MYH10: variants seen among roughly 807,000 people sequenced by gnomAD.
MYH10 encodes the protein myosin-10.
MYH10 carries 55 observed loss-of-function variants against 257.8 expected under a neutral mutation model. The ratio of observed to expected loss-of-function variants is 0.21; its 90% CI spans 0.17 to 0.27. The LOEUF is 0.27. Ranked by LOEUF, MYH10 falls within the 10% of genes least tolerant of loss-of-function variation. MYH10 has a pLI of 1.00. For missense variants in MYH10, 1,631 were observed against 2,500.6 expected, an observed-to-expected ratio of 0.65 and a Z score of 7.42; for synonymous variants, 854 against 921.7, an observed-to-expected ratio of 0.93 and a Z score of 1.33.
In MYH10 at chr17:8,477,106, T is replaced by C. The variant is rs1394328705; in HGVS notation, c.5707-58A>G. ...AACTGGTGAATCCAGTGTCGGCCTC[T>C]CTGTACCCCGAGCGTGGCAGTGTGG... is the stretch of plus-strand genomic sequence containing the variant. On this transcript the variant is annotated intron_variant, in intron 41 of 42. Coordinates refer to ENST00000360416, the MANE Select transcript of MYH10 (RefSeq NM_001256012.3). The surrounding 1 kb of genome is among the most constrained non-coding windows in gnomAD (Gnocchi z 4.2). 1 of 1,595,458 alleles carries C rather than the reference T, an allele frequency of 6.3e-7. No homozygotes were observed. The highest frequency in any genetic ancestry group is 1.3e-5 in the African/African-American group (1 of 74,568).
In MYH10 at chr17:8,545,238, GGC is replaced by G. The variant is rs2082408654; in HGVS notation, c.1431+208_1431+209del. 1.3e-5 allele frequency among the ~76,000 whole-genome samples: 2 copies of G among 152,144 alleles called. No individual in the cohort carries two copies. Among genetic ancestry groups the G allele is most frequent in the African/African-American group, 4.8e-5 (2 of 41,420 alleles). On this transcript the variant is annotated intron_variant, in intron 13 of 42. Transcript: ENST00000360416. This position sits in a 1 kb window ranked among gnomAD's most constrained non-coding sequence, Gnocchi z 4.7. ...CTTCCCTGAACAGCTATCTCAAGCT[GGC>G]CTCCCAGTTCTATCACAGCACCCTT...
At chr17:8,588,067 C>T (rs1366553482) in intron 4 of MYH10, among the ~76,000 whole-genome samples, 1 of 152,102 alleles carries the variant, frequency 6.6e-6, no homozygotes, top group Non-Finnish European at 1.5e-5. Context: ...TGCCACCACA[C>T]CTTCTTGCCT....
chr17:8,517,308 G>A (rs2081504071), intron 21 of MYH10, among the ~76,000 whole-genome samples: 2 of 151,958 alleles, frequency 1.3e-5, no homozygotes, highest in South Asian at 2.1e-4. Flanking sequence ...ACCTTCTTCC[G>A]TTTAAAGCCC....
At chr17:8,591,026 C>T (rs1045806410) in intron 3 of MYH10, among the ~76,000 whole-genome samples, 2 of 151,948 alleles carry the variant, frequency 1.3e-5, no homozygotes, top group Non-Finnish European at 1.5e-5. Context: ...GCGCCCGCCA[C>T]CACGCCCGGC....
At chr17:8,515,491 C>T (rs2081434986) in intron 21 of MYH10, among the ~76,000 whole-genome samples, 2 of 149,008 alleles carry the variant, frequency 1.3e-5, no homozygotes, top group African/African-American at 4.9e-5. Context: ...CCTTACAAAA[C>T]CTTCTAACTT....
At chr17:8,618,061 C>A (rs902003450) in intron 2 of MYH10, among the ~76,000 whole-genome samples, 2 of 152,134 alleles carry the variant, frequency 1.3e-5, no homozygotes, top group African/African-American at 4.8e-5. Flanking sequence ...GAAAACAACT[C>A]AATTTTCATG....
intron 35 of MYH10, among the ~76,000 whole-genome samples, chr17:8,489,165 G>T (rs1915347184): frequency 1.3e-5 from 2 of 152,090 alleles, no homozygotes; most frequent in African/African-American, 4.8e-5. Context: ...GACACCATGT[G>T]TGTGAGTCAG....
Position 8,490,680 on chromosome 17 carries a change from G to T in MYH10, c.4672-128C>A. 1.3e-6 allele frequency: 1 copy of T among 781,218 alleles called. No individual in the cohort carries two copies. Among genetic ancestry groups the T allele is most frequent in the Non-Finnish European group, 2.2e-6 (1 of 461,082 alleles). The allele number at this position is 781,218 out of a possible 1,614,324, so 48.4% of individuals were successfully genotyped here. A position where few individuals can be genotyped will look rare whatever the true frequency, so the allele number is the denominator to read the frequency against. On this transcript the variant is annotated intron_variant, in intron 34 of 42. Transcript: ENST00000360416. The surrounding 1 kb of genome is among the most constrained non-coding windows in gnomAD (Gnocchi z 4.1). ...TTTGGTCCCCCTGGGCCGGCCCCCT[G>T]CCACATGCATACACATCCTTCCCTC...
Position 8,521,231 on chromosome 17 carries a change from C to T in MYH10, c.2012G>A (p.Gly671Asp). 6.2e-7 allele frequency: 1 copy of T among 1,614,176 alleles called. No homozygotes were observed. Among genetic ancestry groups the T allele is most frequent in the Non-Finnish European group, 8.5e-7 (1 of 1,180,034 alleles). ...QVTGMTETAF[G>D]SAYKTKKGMF... Reference sequence around the variant, plus strand: ...GCCCTTCTTGGTTTTATATGCGGAGCCAAAAGCTGTCTCAGTCATACCAGT... The same window carrying T: ...GCCCTTCTTGGTTTTATATGCGGAGTCAAAAGCTGTCTCAGTCATACCAGT... Residue 671 changes from glycine to aspartate, a missense_variant, in exon 18 of 43, where the codon GGC becomes GAC. Physicochemically the swap from Gly to Asp is moderately conservative, Grantham distance 94 (BLOSUM62 -1). Around this residue, in one of 11 missense-constraint regions of MYH10, gnomAD observed 96 missense variants for 146.2 expected, o/e 0.66. Transcript: ENST00000360416.
intron 2 of MYH10, among the ~76,000 whole-genome samples, chr17:8,605,929 G>T (rs1280699374): frequency 1.3e-5 from 2 of 152,100 alleles, no homozygotes; most frequent in African/African-American, 4.8e-5. Context: ...TTGTAAAAAT[G>T]TAAGAGTTTT....
intron 2 of MYH10, among the ~76,000 whole-genome samples, chr17:8,609,258 T>C (rs1567976289): frequency 6.6e-6 from 1 of 151,934 alleles, no homozygotes; most frequent in Non-Finnish European, 1.5e-5. Context: ...AGAGATACAA[T>C]AGTCTCCTAC....
chr17:8,551,467 A>C (rs1008144588), intron 9 of MYH10, among the ~76,000 whole-genome samples: 29 of 152,182 alleles, frequency 1.9e-4, no homozygotes, highest in South Asian at 2.1e-4. Context: ...AGAAACACTA[A>C]ATTTGAGAAT....
intron 1 of MYH10, 177 bp from the exon 2 acceptor site, chr17:8,623,454 C>G: frequency 2.3e-6 from 1 of 436,170 alleles, no homozygotes; most frequent in South Asian, 7.9e-5. Flanking sequence ...CAGCGGTGAC[C>G]ACAAATTATG....
intron 3 of MYH10, among the ~76,000 whole-genome samples, chr17:8,592,698 C>G (rs2152054051): frequency 6.7e-6 from 1 of 149,048 alleles, no homozygotes; most frequent in Non-Finnish European, 1.5e-5. Flanking sequence ...AGAAAATTCT[C>G]CAAAACAGGT....
intron 3 of MYH10, among the ~76,000 whole-genome samples, chr17:8,594,666 CACG>C (rs1018518095): frequency 2.0e-5 from 3 of 152,048 alleles, no homozygotes; most frequent in Admixed American, 6.5e-5. Flanking sequence ...GGATTGGTTC[CACG>C]ACAACCCCAA....
intron 6 of MYH10, among the ~76,000 whole-genome samples, chr17:8,572,226 CTCTG>C (rs10604870): frequency 2.8e-4 from 1 of 3,604 alleles, no homozygotes; most frequent in African/African-American, 3.5e-4. Flanking sequence ...TTCTTTTCCT[CTCTG>C]TGTGTGTGTG....
At chr17:8,498,644 G>A (rs868592678) in intron 30 of MYH10, among the ~76,000 whole-genome samples, 23 of 151,892 alleles carry the variant, frequency 1.5e-4, no homozygotes, top group African/African-American at 4.4e-4. Flanking sequence ...TCAGGAGATT[G>A]AGACCATCCT....
In MYH10 at chr17:8,542,243, T is replaced by C. The variant is rs1474314317; in HGVS notation, c.1469A>G (p.Asn490Ser). 2 of 1,614,102 alleles carry C rather than the reference T, an allele frequency of 1.2e-6. No individual in the cohort carries two copies. The highest frequency in any genetic ancestry group is 1.7e-6 in the Non-Finnish European group (2 of 1,180,006). ...SFEQLCINYT[N>S]EKLQQLFNHT... ...GTTGAACAGCTGCTGCAGCTTCTCA[T>C]TGGTGTAGTTGATGCAAAGTTGTTC... is the stretch of plus-strand genomic sequence containing the variant. Residue 490 changes from asparagine (N) to serine (S), a missense_variant, in exon 14 of 43, where the codon AAT becomes AGT. Asn to Ser is a conservative substitution (Grantham distance 46, BLOSUM62 1). Transcript: ENST00000360416.
intron 16 of MYH10, among the ~76,000 whole-genome samples, chr17:8,532,956 T>C (rs2082044527): frequency 6.6e-6 from 1 of 152,216 alleles, no homozygotes; most frequent in African/African-American, 2.4e-5. Context: ...AATAAATATG[T>C]AATAAAGGAC....
Sources: allele counts gnomAD v4.1 joint callset (sites outside exome capture counted in the v4.1 genomes callset), GRCh38; gene constraint gnomAD v4.1.1; regional missense constraint gnomAD v4.1.1; non-coding constraint Gnocchi (gnomAD v3.1); transcripts MANE v1.5; gene names NCBI Gene and HGNC (gene_info 2026-07-23, HGNC 2026-07-21).